Variants in SLC25A16 observed in about 807,000 individuals in gnomAD.
The protein encoded by SLC25A16 is mitochondrial coenzyme A transporter SLC25A16.
In SLC25A16, 39 loss-of-function variants were observed where a neutral mutation model predicts 41.5. That is an observed-to-expected ratio of 0.94 (90% CI 0.73 to 1.23). The LOEUF (loss-of-function observed/expected upper bound fraction) is 1.23. Ranked by LOEUF, SLC25A16 falls within the 50% of genes most tolerant of loss-of-function variation. SLC25A16 has a pLI of 0.00. For missense variants in SLC25A16, 421 were observed against 426.9 expected, an observed-to-expected ratio of 0.99 and a Z score of 0.12; for synonymous variants, 146 against 147.8, an observed-to-expected ratio of 0.99 and a Z score of 0.09.
Position 68,478,716 on chromosome 10 carries a change from A to G in SLC25A16, c.*4716T>C, listed in dbSNP as rs543348509. 3 of 150,122 alleles carry G rather than the reference A, an allele frequency of 2.0e-5. No individual in the cohort carries two copies. The highest frequency in any genetic ancestry group is 4.4e-5 in the Non-Finnish European group (3 of 67,602). 9.3% of individuals were successfully genotyped at this position (150,122 alleles called of 1,614,324 possible). ...TATAAGTTTTATTTTATATATATAT[A>G]TGATATGTATACATATATTTTTTAT... On this transcript the variant is annotated 3_prime_UTR_variant, in exon 9 of 9. Transcript: ENST00000609923.
chr10:68,516,864 C>G (rs1444135332), intron 1 of SLC25A16, 21 bp from the exon 2 acceptor site: 1 of 1,569,116 alleles, frequency 6.4e-7, no homozygotes, highest in Non-Finnish European at 8.8e-7. Flanking sequence ...TTCAAAAGGT[C>G]AGGAAGAAAT....
At chr10:68,503,978 C>T (rs1235358776) in intron 3 of SLC25A16, among the ~76,000 whole-genome samples, 1 of 150,602 alleles carries the variant, frequency 6.6e-6, no homozygotes, top group Non-Finnish European at 1.5e-5. Context: ...GAACACAAGC[C>T]CTTAACAAGT....
chr10:68,524,808 C>A (rs763933850), intron 1 of SLC25A16, among the ~76,000 whole-genome samples: 32 of 151,512 alleles, frequency 2.1e-4, no homozygotes, highest in Non-Finnish European at 4.3e-4. Context: ...AACCCGGATA[C>A]GGAGGTTGCA....
intron 6 of SLC25A16, among the ~76,000 whole-genome samples, chr10:68,490,003 G>C (rs755908785): frequency 2.0e-5 from 3 of 151,760 alleles, no homozygotes; most frequent in Non-Finnish European, 2.9e-5. Context: ...GCTCACACTT[G>C]TAATCCTAAC....
chr10:68,488,096 C>T lies in SLC25A16; in HGVS notation c.773+371G>A, dbSNP rs372816477. On this transcript the variant is annotated intron_variant, in intron 7 of 8. Transcript: ENST00000609923. ...CAATCTCTTGACCTTGTGATCCACC[C>T]GCCTAAGCCTCCCAAACTGCTGGGA... 6.6e-5 allele frequency among the ~76,000 whole-genome samples: 10 copies of T among 152,168 alleles called. No individual in the cohort carries two copies. In the East Asian group the frequency reaches 1.5e-3, roughly 24 times the overall value.
At chr10:68,521,975 A>T (rs1436519979) in intron 1 of SLC25A16, among the ~76,000 whole-genome samples, 1 of 151,502 alleles carries the variant, frequency 6.6e-6, no homozygotes, top group Non-Finnish European at 1.5e-5. Context: ...AGTCTGGCCA[A>T]CATAGTGAAA....
intron 1 of SLC25A16, among the ~76,000 whole-genome samples, chr10:68,518,786 AAAAT>A (rs973711087): frequency 2.1e-5 from 3 of 139,972 alleles, no homozygotes; most frequent in Non-Finnish European, 3.0e-5. Context: ...AAAAACAAAT[AAAAT>A]AAATAAATAA....
rs945807242 is a variant in SLC25A16 at position 68,520,398 on chromosome 10, G to A, written c.131-3555C>T. On this transcript the variant is annotated intron_variant, in intron 1 of 8. Transcript: ENST00000609923. ...CAATCTGTAAATAAACAATTGACCC[G>A]GGCACAATGGCTCATGCCTATAATC... 9.2e-5 allele frequency among the ~76,000 whole-genome samples: 14 copies of A among 152,176 alleles called. No individual in the cohort carries two copies. In the South Asian group the frequency reaches 2.1e-3, roughly 23 times the overall value.
intron 2 of SLC25A16, among the ~76,000 whole-genome samples, chr10:68,510,483 A>C (rs2133568753): frequency 6.6e-6 from 1 of 152,216 alleles, no homozygotes; most frequent in Non-Finnish European, 1.5e-5. Flanking sequence ...CCAAGGTTGC[A>C]GTGAGCCGAG....
At chr10:68,511,304 G>A (rs575531880) in intron 2 of SLC25A16, among the ~76,000 whole-genome samples, 14 of 152,246 alleles carry the variant, frequency 9.2e-5, no homozygotes, top group South Asian at 2.1e-4. Flanking sequence ...GAGGGGGCTC[G>A]TATATATTAA....
rs920949439 is a variant in SLC25A16, at chr10:68,478,167, G to A, written c.*5265C>T. On this transcript the variant is annotated 3_prime_UTR_variant, in exon 9 of 9. Coordinates refer to ENST00000609923, the MANE Select transcript of SLC25A16 (RefSeq NM_152707.4). The stretch of plus-strand genomic sequence containing the variant: ...CTAGATCTGCCACTTACATGAACCT[G>A]GCCAAGTAATTTAATCTCCCTAGGC... The A allele has an allele frequency of 2.0e-5, 3 of 152,102 alleles. No individual in the cohort carries two copies. The highest frequency in any genetic ancestry group is 4.8e-5 in the African/African-American group (2 of 41,420). The allele number at this position is 152,102 out of a possible 1,614,324, so 9.4% of individuals were successfully genotyped here.
chr10:68,517,027 T>C, intron 1 of SLC25A16, 184 bp from the exon 2 acceptor site: 1 of 1,211,588 alleles, frequency 8.3e-7, no homozygotes, highest in Non-Finnish European at 1.1e-6. Flanking sequence ...GTGAGCATGA[T>C]TACACTGCTA....
In SLC25A16 at chr10:68,482,474, C is replaced by A. The variant is rs1224985481; in HGVS notation, c.*958G>T. ...AAGAACTAGTTGATGCATCATAATA[C>A]CTTAGAAACATTTTTTGATATTCAC... is the stretch of plus-strand genomic sequence containing the variant. On this transcript the variant is annotated 3_prime_UTR_variant, in exon 9 of 9. Transcript: ENST00000609923. 2 of 152,438 alleles carry A rather than the reference C, an allele frequency of 1.3e-5. No homozygotes were observed. Among genetic ancestry groups the A allele is most frequent in the Non-Finnish European group, 2.9e-5 (2 of 68,016 alleles). The allele number at this position is 152,438 out of a possible 1,614,324, so 9.4% of individuals were successfully genotyped here. A position where few individuals can be genotyped will look rare whatever the true frequency, so the allele number is the denominator to read the frequency against.
intron 4 of SLC25A16, among the ~76,000 whole-genome samples, chr10:68,496,132 C>T (rs1297119413): frequency 6.6e-6 from 1 of 152,102 alleles, no homozygotes; most frequent in African/African-American, 2.4e-5. Context: ...TCCCCTTGCC[C>T]CCCATCTGTC....
At chr10:68,524,691 TAGTG>T (rs1352197432) in intron 1 of SLC25A16, among the ~76,000 whole-genome samples, 1 of 108,042 alleles carries the variant, frequency 9.3e-6, no homozygotes, top group Admixed American at 1.1e-4. Flanking sequence ...CTGGGCTACA[TAGTG>T]AGACTCCATC....
intron 1 of SLC25A16, among the ~76,000 whole-genome samples, chr10:68,526,193 T>C (rs1204679834): frequency 1.3e-5 from 2 of 151,338 alleles, no homozygotes; most frequent in East Asian, 1.9e-4. Context: ...CAATGGAATG[T>C]CTCGGTATAA....
intron 3 of SLC25A16, among the ~76,000 whole-genome samples, chr10:68,505,124 C>A (rs905806077): frequency 1.1e-4 from 17 of 152,142 alleles, no homozygotes; most frequent in African/African-American, 3.9e-4. Context: ...CACAGTGAGA[C>A]CCCATCTCTA....
intron 1 of SLC25A16, among the ~76,000 whole-genome samples, chr10:68,523,535 C>T (rs1029006161): frequency 1.3e-5 from 2 of 152,048 alleles, no homozygotes; most frequent in Non-Finnish European, 2.9e-5. Flanking sequence ...TGCAGTGGAG[C>T]GATCTTGTCT....
chr10:68,501,933 T>C (rs2052853314), intron 4 of SLC25A16, among the ~76,000 whole-genome samples: 1 of 152,106 alleles, frequency 6.6e-6, no homozygotes, highest in Admixed American at 6.6e-5. Context: ...GCACGGTGGC[T>C]CATGCCTGTA....
Sources: allele counts gnomAD v4.1 joint callset (sites outside exome capture counted in the v4.1 genomes callset), GRCh38; gene constraint gnomAD v4.1.1; transcripts MANE v1.5; gene names NCBI Gene and HGNC (gene_info 2026-07-23, HGNC 2026-07-21).